The following AAK1 variants were observed in gnomAD, a reference collection of about 807,000 sequenced individuals.
The protein encoded by AAK1 is AP2 associated kinase 1.
AAK1 carries 37 observed loss-of-function variants against 116.0 expected under a neutral mutation model. The observed-to-expected ratio is 0.32, with a 90% CI of 0.25 to 0.42. The LOEUF (loss-of-function observed/expected upper bound fraction) is 0.42. AAK1 is among the 10% of genes least tolerant of loss of function. AAK1 has a pLI of 1.00. For synonymous variants in AAK1, 458 were observed against 439.9 expected, an observed-to-expected ratio of 1.04 and a Z score of -0.51; for missense variants, 919 against 1,170.6, an observed-to-expected ratio of 0.79 and a Z score of 3.14.
chr2:69,465,225 C>G lies in AAK1; in HGVS notation c.*10644G>C, dbSNP rs1171945181. 8.0e-6 allele frequency: 3 copies of G among 376,106 alleles called. No individual in the cohort carries two copies. Among genetic ancestry groups the G allele is most frequent in the African/African-American group, 6.4e-5 (3 of 46,790 alleles). The allele number at this position is 376,106 out of a possible 1,614,324, so 23.3% of individuals were successfully genotyped here. Reference sequence around the variant, plus strand: ...CAATATAAACAAACAAACAAACAAACAAAAATGAACATAACTTAAAGGGGC... The same window carrying G: ...CAATATAAACAAACAAACAAACAAAGAAAAATGAACATAACTTAAAGGGGC... On this transcript the variant is annotated 3_prime_UTR_variant, in exon 22 of 22. Transcript: ENST00000409085.
At chr2:69,492,186 C>T (rs960512031) in intron 17 of AAK1, among the ~76,000 whole-genome samples, 1 of 151,918 alleles carries the variant, frequency 6.6e-6, no homozygotes. Flanking sequence ...GTCATTGAAA[C>T]GCATGGTCTT....
Position 69,599,399 on chromosome 2 carries a change from C to A in AAK1, c.164-42421G>T, listed in dbSNP as rs149853204. 3.3e-3 allele frequency among the ~76,000 whole-genome samples: 250 copies of A among 76,526 alleles called. 2 individuals carry two copies. The highest frequency in any genetic ancestry group is 0.032 in the East Asian group (31 of 972). 50.2% of individuals were successfully genotyped at this position (76,526 alleles called of 152,430 possible). On this transcript the variant is annotated intron_variant, in intron 2 of 21. Coordinates refer to ENST00000409085, the MANE Select transcript of AAK1 (RefSeq NM_014911.5). ...CTGTGTAAAAAAAAAAAAAAAAAAA[C>A]TTCACTGAAATTATACCAAACAAAA... is the stretch of plus-strand genomic sequence containing the variant.
chr2:69,530,189 C>T (rs200377304), intron 7 of AAK1, 49 bp from the exon 8 acceptor site: 34 of 1,554,380 alleles, frequency 2.2e-5, no homozygotes, highest in Middle Eastern at 1.8e-4. Context: ...TTTATCATGA[C>T]TCTAAATGGA....
intron 2 of AAK1, among the ~76,000 whole-genome samples, chr2:69,606,566 C>T (rs747583755): frequency 4.8e-4 from 73 of 152,320 alleles, no homozygotes; most frequent in Non-Finnish European, 8.8e-4. Flanking sequence ...CTAGAACAGA[C>T]ATACATCGTC....
intron 2 of AAK1, among the ~76,000 whole-genome samples, chr2:69,633,572 G>C (rs1675308618): frequency 6.7e-6 from 1 of 148,516 alleles, no homozygotes; most frequent in Admixed American, 6.8e-5. Flanking sequence ...CTGTACTCCA[G>C]CCTGGCGACA....
rs1319481857 is a variant in AAK1, at chr2:69,549,230, G to A, written c.283-4686C>T. 5.3e-5 allele frequency among the ~76,000 whole-genome samples: 8 copies of A among 152,216 alleles called. No homozygotes were observed. In the South Asian group the frequency reaches 6.2e-4, roughly 12 times the overall value. ...CTAAAAACACAAAAATTAGCCAGGC[G>A]TGGTGGCATGCGCCTGTAGTCCCAG... On this transcript the variant is annotated intron_variant, in intron 3 of 21. Transcript: ENST00000409085.
rs1215356075 is a variant in AAK1, at chr2:69,613,544, CT to C, written c.163+29333del. On this transcript the variant is annotated intron_variant, in intron 2 of 21. Coordinates refer to ENST00000409085, the MANE Select transcript of AAK1 (RefSeq NM_014911.5). Reference sequence around the variant, plus strand: ...AAGGTTAGAACCTTAAGTCTTACCCCTAGCCTCTGAGGAGGGCAAGAGCTAG... The same window carrying C: ...AAGGTTAGAACCTTAAGTCTTACCCCAGCCTCTGAGGAGGGCAAGAGCTAG... Among the ~76,000 whole-genome samples the C allele has an allele frequency of 1.8e-4, 27 of 152,284 alleles. 1 individual carries two copies. The highest frequency in any genetic ancestry group is 1.8e-3 in the Admixed American group (27 of 15,298).
intron 2 of AAK1, chr2:69,594,905 T>C: frequency 5.0e-6 from 7 of 1,393,828 alleles, no homozygotes; most frequent in Non-Finnish European, 7.1e-6. Flanking sequence ...AAAATCGGCT[T>C]AGTTTGCCCA....
Position 69,518,928 on chromosome 2 carries a change from C to T in AAK1, c.1497+26G>A, listed in dbSNP as rs1042159861. On this transcript the variant is annotated intron_variant, in intron 12 of 21. Coordinates refer to ENST00000409085, the MANE Select transcript of AAK1 (RefSeq NM_014911.5). ...CACAGTCATGACTCAGATATGCAAG[C>T]AAGGGCCACACTCTGACCACCTTAC... 6.6e-6 allele frequency: 10 copies of T among 1,511,200 alleles called. No homozygotes were observed. In the African/African-American group the frequency reaches 1.4e-4, roughly 21 times the overall value. The allele number at this position is 1,511,200 out of a possible 1,614,324, so 93.6% of individuals were successfully genotyped here.
chr2:69,521,909 T>C lies in AAK1; in HGVS notation c.1056-921A>G, dbSNP rs1334737257. Among the ~76,000 whole-genome samples the C allele has an allele frequency of 5.3e-5, 8 of 152,358 alleles. No homozygotes were observed. The East Asian group carries it at 7.7e-4, about 15-fold the overall frequency. On this transcript the variant is annotated intron_variant, in intron 10 of 21. Coordinates refer to ENST00000409085, the MANE Select transcript of AAK1 (RefSeq NM_014911.5). Reference sequence around the variant, plus strand: ...GAAGTCTAGATCCCTGAGGGCCTCATGGAGCAGAACTGCCATGCTGGCCTT... The same window carrying C: ...GAAGTCTAGATCCCTGAGGGCCTCACGGAGCAGAACTGCCATGCTGGCCTT...
At chr2:69,587,294 C>T (rs915855679) in intron 2 of AAK1, among the ~76,000 whole-genome samples, 3 of 149,672 alleles carry the variant, frequency 2.0e-5, no homozygotes, top group South Asian at 4.2e-4. Flanking sequence ...TGTATACACA[C>T]GTATATACGC....
chr2:69,465,603 T>G lies in AAK1; in HGVS notation c.*10266A>C, dbSNP rs1458468746. 7.7e-7 allele frequency: 1 copy of G among 1,290,960 alleles called. No homozygotes were observed. The highest frequency in any genetic ancestry group is 1.0e-6 in the Non-Finnish European group (1 of 988,886). 80.0% of individuals were successfully genotyped at this position (1,290,960 alleles called of 1,614,324 possible). A position where few individuals can be genotyped will look rare whatever the true frequency, so the allele number is the denominator to read the frequency against. ...GGGCTGGGCTTCTGGACTTGGCTCG[T>G]CTTCTGGGCTATAGTGACGGGAATA... On this transcript the variant is annotated 3_prime_UTR_variant, in exon 22 of 22. Coordinates refer to ENST00000409085, the MANE Select transcript of AAK1 (RefSeq NM_014911.5).
At chr2:69,547,602 AAAT>A (rs748184487) in intron 3 of AAK1, among the ~76,000 whole-genome samples, 1 of 152,208 alleles carries the variant, frequency 6.6e-6, no homozygotes, top group Non-Finnish European at 1.5e-5. Flanking sequence ...AATAAAAAAC[AAAT>A]AATAAAAAAT....
At position 69,471,326 on chromosome 2, in the gene AAK1, T is replaced by C. The variant is rs111875446; in HGVS notation, c.*4543A>G. 2,906 of 985,450 alleles carry C rather than the reference T, an allele frequency of 2.9e-3. 61 individuals carry two copies. The African/African-American group carries it at 0.047, about 16-fold the overall frequency. 61.0% of individuals were successfully genotyped at this position (985,450 alleles called of 1,614,324 possible). A position where few individuals can be genotyped will look rare whatever the true frequency, so the allele number is the denominator to read the frequency against. ...AAATCTGGGAGAAGCAAAAGAGGTT[T>C]CTTGTTATAGATTTCCTAGCACTCA... On this transcript the variant is annotated 3_prime_UTR_variant, in exon 22 of 22. Coordinates refer to ENST00000409085, the MANE Select transcript of AAK1 (RefSeq NM_014911.5).
rs1316853682 is a variant in AAK1 at position 69,482,733 on chromosome 2, A to G, written c.2445T>C (p.Gly815=). 1 of 1,612,358 alleles carries G rather than the reference A, an allele frequency of 6.2e-7. No individual in the cohort carries two copies. The highest frequency in any genetic ancestry group is 1.1e-5 in the South Asian group (1 of 91,030). Residue 815 remains glycine (G), a synonymous_variant, in exon 18 of 22, where the codon GGT becomes GGC. Transcript: ENST00000409085. ...PDLLPMTDPF[G]STSDAVIEKA... ...TACCAATTACAGCATCAGAAGTGCT[A>G]CCAAAAGGATCTGTCATAGGCAAGA...
chr2:69,606,837 G>A (rs772848619), intron 2 of AAK1, among the ~76,000 whole-genome samples: 3 of 152,138 alleles, frequency 2.0e-5, no homozygotes, highest in Admixed American at 6.5e-5. Flanking sequence ...AGACCTAAGC[G>A]GGAGGACTGC....
chr2:69,518,913 A>G, intron 12 of AAK1, 41 bp downstream of exon 12: 1 of 1,498,150 alleles, frequency 6.7e-7, no homozygotes, highest in Non-Finnish European at 8.9e-7. Context: ...CACAGTCATG[A>G]CTCAGATATG....
chr2:69,621,868 C>A lies in AAK1; in HGVS notation c.163+21010G>T, dbSNP rs1490041323. On this transcript the variant is annotated intron_variant, in intron 2 of 21. Transcript: ENST00000409085. The stretch of plus-strand genomic sequence containing the variant: ...TGATTCCACACCTCCCCTCCAACTC[C>A]GAATCCAACCGGGCACCAAGGCCTG... Among the ~76,000 whole-genome samples the A allele has an allele frequency of 3.9e-5, 6 of 152,236 alleles. No individual in the cohort carries two copies. In the East Asian group the frequency reaches 1.2e-3, roughly 29 times the overall value.
chr2:69,526,257 A>G (rs1670021036), intron 9 of AAK1, among the ~76,000 whole-genome samples: 1 of 152,190 alleles, frequency 6.6e-6, no homozygotes, highest in African/African-American at 2.4e-5. Context: ...CAAGCTTATT[A>G]GTAATAAAGC....
Sources: allele counts gnomAD v4.1 joint callset (sites outside exome capture counted in the v4.1 genomes callset), GRCh38; gene constraint gnomAD v4.1.1; transcripts MANE v1.5; gene names NCBI Gene and HGNC (gene_info 2026-07-23, HGNC 2026-07-21).